Variants in HSD17B3 observed in about 807,000 individuals in gnomAD.
The protein encoded by HSD17B3 is 17-beta-hydroxysteroid dehydrogenase type 3.
In HSD17B3, 29 loss-of-function variants were observed where a neutral mutation model predicts 41.1. The observed-to-expected ratio is 0.71, with a 90% CI of 0.53 to 0.96. HSD17B3 has a LOEUF of 0.96. Ranked by LOEUF, HSD17B3 falls within the 40% of genes least tolerant of loss-of-function variation. HSD17B3 has a pLI of 0.00. For synonymous variants in HSD17B3, 126 were observed against 145.6 expected, an observed-to-expected ratio of 0.87 and a Z score of 0.97; for missense variants, 323 against 374.6, an observed-to-expected ratio of 0.86 and a Z score of 1.14.
chr9:96,242,017 A>G (rs1836477486), intron 9 of HSD17B3, among the ~76,000 whole-genome samples: 1 of 147,682 alleles, frequency 6.8e-6, no homozygotes, highest in Non-Finnish European at 1.5e-5. Flanking sequence ...GAAAGAAAAG[A>G]AAGAAAAGAA....
intron 2 of HSD17B3, among the ~76,000 whole-genome samples, chr9:96,296,707 T>C (rs553103331): frequency 6.6e-6 from 1 of 152,312 alleles, no homozygotes; most frequent in East Asian, 1.9e-4. Flanking sequence ...GGTTAAATTA[T>C]GGACCATCCA....
At chr9:96,291,017 G>A (rs939508325) in intron 2 of HSD17B3, among the ~76,000 whole-genome samples, 46 of 152,002 alleles carry the variant, frequency 3.0e-4, no homozygotes, top group Admixed American at 3.0e-3. Context: ...GGCTGGGTGG[G>A]GAGCTGGGTC....
chr9:96,290,358 C>T (rs1402007156), intron 2 of HSD17B3, among the ~76,000 whole-genome samples: 1 of 149,686 alleles, frequency 6.7e-6, no homozygotes, highest in Non-Finnish European at 1.5e-5. Flanking sequence ...AAAACCTGGA[C>T]ACAATACATA....
intron 2 of HSD17B3, among the ~76,000 whole-genome samples, chr9:96,291,699 G>A (rs1827165741): frequency 6.6e-6 from 1 of 152,208 alleles, no homozygotes; most frequent in Admixed American, 6.5e-5. Context: ...GCTCATGCCT[G>A]TAATCCCAGC....
chr9:96,246,534 A>G (rs766972473), intron 7 of HSD17B3, 22 bp downstream of exon 7: 1 of 1,613,314 alleles, frequency 6.2e-7, no homozygotes, highest in East Asian at 2.2e-5. Flanking sequence ...GTTGCTCCAC[A>G]CTTTTTTGAA....
intron 2 of HSD17B3, among the ~76,000 whole-genome samples, chr9:96,259,836 G>A (rs568780409): frequency 3.3e-5 from 5 of 152,110 alleles, no homozygotes; most frequent in South Asian, 2.1e-4. Context: ...AGCTCTTTAC[G>A]CAGCCACCTC....
At chr9:96,258,222 TTTTC>T (rs1302118202) in intron 2 of HSD17B3, among the ~76,000 whole-genome samples, 1 of 152,194 alleles carries the variant, frequency 6.6e-6, no homozygotes, top group Non-Finnish European at 1.5e-5. Flanking sequence ...TTTGTGAATG[TTTTC>T]TTTGTTTTAT....
chr9:96,258,415 C>T (rs1438665595), intron 2 of HSD17B3, among the ~76,000 whole-genome samples: 3 of 152,200 alleles, frequency 2.0e-5, no homozygotes, highest in East Asian at 3.9e-4. Flanking sequence ...GCTCAATTCT[C>T]ATGTGTGCCT....
chr9:96,279,166 C>A (rs1464123626), intron 2 of HSD17B3, among the ~76,000 whole-genome samples: 1 of 152,198 alleles, frequency 6.6e-6, no homozygotes, highest in South Asian at 2.1e-4. Flanking sequence ...TCAATCCATG[C>A]TGAAGTTTAT....
At chr9:96,250,446 GGTGC>G in intron 5 of HSD17B3, 13 of 1,064,940 alleles carry the variant, frequency 1.2e-5, no homozygotes, top group Non-Finnish European at 1.5e-5. Flanking sequence ...ATTATCACCC[GGTGC>G]AGCAGACTCG....
intron 9 of HSD17B3, 126 bp downstream of exon 9, chr9:96,244,203 T>C (rs1044966320): frequency 1.7e-5 from 16 of 944,372 alleles, no homozygotes; most frequent in African/African-American, 4.8e-5. Context: ...TGACCACACA[T>C]GAGCAGCCAG....
At chr9:96,235,956 T>C (rs1429369146) in intron 10 of HSD17B3, among the ~76,000 whole-genome samples, 1 of 150,860 alleles carries the variant, frequency 6.6e-6, no homozygotes, top group Non-Finnish European at 1.5e-5. Context: ...TAAGAGTGTG[T>C]CACCATGCCT....
intron 2 of HSD17B3, among the ~76,000 whole-genome samples, chr9:96,291,094 G>A (rs559538990): frequency 6.6e-6 from 1 of 152,036 alleles, no homozygotes; most frequent in African/African-American, 2.4e-5. Flanking sequence ...CCATCCCCGC[G>A]AATGTCTGTG....
intron 2 of HSD17B3, among the ~76,000 whole-genome samples, chr9:96,295,154 GCA>G: frequency 6.8e-6 from 1 of 146,862 alleles, no homozygotes; most frequent in Non-Finnish European, 1.5e-5. Flanking sequence ...TTACAGGTAA[GCA>G]CCACCACGCC....
intron 9 of HSD17B3, 145 bp from the exon 10 acceptor site, chr9:96,241,052 C>T (rs1836422011): frequency 2.1e-6 from 2 of 953,854 alleles, no homozygotes; most frequent in East Asian, 2.5e-5. Flanking sequence ...GAAAAAGGCA[C>T]AGTACCGGCA....
intron 2 of HSD17B3, chr9:96,256,418 G>A (rs1413069402): frequency 1.3e-5 from 2 of 152,108 alleles, no homozygotes; most frequent in Non-Finnish European, 1.5e-5. Flanking sequence ...CAGACCACTT[G>A]AGGTCAGGAG....
chr9:96,254,904 T>G lies in HSD17B3; in HGVS notation c.241A>C (p.Thr81Pro), dbSNP rs2130733506. 1.2e-6 allele frequency: 2 copies of G among 1,614,092 alleles called. No homozygotes were observed. Among genetic ancestry groups the G allele is most frequent in the African/African-American group, 1.3e-5 (1 of 75,042 alleles). The change falls in exon 3 of 11, where the codon ACG becomes CCG. Residue 81 changes from threonine (T) to proline (P), a missense_variant. Physicochemically the swap from Thr to Pro is conservative, Grantham distance 38. Transcript: ENST00000375263. The part of the protein sequence containing the change: ...RGLNVVLISR[T>P]LEKLEAIATE... ...GCAATGGCCTCTAGTTTTTCCAGCG[T>G]CCGGCTAATAAGGACAACATTGAGT...
rs551134796 is a variant in HSD17B3 at position 96,283,863 on chromosome 9, C to T, written c.201+14553G>A. ...TAGAGGAAAAAACTTTCAGGACTCTCGTGAAGAGCTGAAATGTTCATGAAT... is the reference window on the plus strand; with the variant it reads ...TAGAGGAAAAAACTTTCAGGACTCTTGTGAAGAGCTGAAATGTTCATGAAT... On this transcript the variant is annotated intron_variant, in intron 2 of 10. Transcript: ENST00000375263. 5.3e-5 allele frequency among the ~76,000 whole-genome samples: 8 copies of T among 152,076 alleles called. No individual in the cohort carries two copies. In the East Asian group the frequency reaches 1.4e-3, roughly 26 times the overall value.
At chr9:96,241,165 A>G (rs942612038) in intron 9 of HSD17B3, among the ~76,000 whole-genome samples, 1 of 152,190 alleles carries the variant, frequency 6.6e-6, no homozygotes, top group East Asian at 1.9e-4. Flanking sequence ...AATGGGAAGA[A>G]CTCGGGTCTC....
Sources: allele counts gnomAD v4.1 joint callset (sites outside exome capture counted in the v4.1 genomes callset), GRCh38; gene constraint gnomAD v4.1.1; transcripts MANE v1.5; gene names NCBI Gene and HGNC (gene_info 2026-07-23, HGNC 2026-07-21).